Variants in LRRC47 observed in about 807,000 individuals in gnomAD.
LRRC47 encodes the protein leucine-rich repeat-containing protein 47.
LRRC47 carries 31 observed loss-of-function variants against 40.9 expected under a neutral mutation model. That is an observed-to-expected ratio of 0.76 (90% CI 0.57 to 1.02). The LOEUF (loss-of-function observed/expected upper bound fraction) is 1.02, where lower values mean the gene tolerates loss of function less well. Among genes scored for constraint, LRRC47 ranks in the 50% least tolerant of loss-of-function variants. The pLI is 0.00. For synonymous variants in LRRC47, 427 were observed against 371.9 expected, an observed-to-expected ratio of 1.15 and a Z score of -1.70; for missense variants, 726 against 796.1, an observed-to-expected ratio of 0.91 and a Z score of 1.06.
At chr1:3,791,990 G>A (rs928002843) in intron 1 of LRRC47, among the ~76,000 whole-genome samples, 32 of 152,282 alleles carry the variant, frequency 2.1e-4, no homozygotes, top group Middle Eastern at 3.4e-3. Flanking sequence ...CTGGGCTCAA[G>A]TGATCCGCCC....
chr1:3,785,044 C>T (rs762270396), intron 3 of LRRC47, 43 bp downstream of exon 3: 5 of 1,465,218 alleles, frequency 3.4e-6, no homozygotes, highest in East Asian at 2.5e-5. Context: ...CTTTCGACAC[C>T]AAGGAGACTC....
Position 3,794,685 on chromosome 1 carries a change from G to A in LRRC47, c.615+1177C>T, listed in dbSNP as rs1246509366. Among the ~76,000 whole-genome samples, 3 of 151,754 alleles carry A rather than the reference G, an allele frequency of 2.0e-5. No individual in the cohort carries two copies. In the East Asian group the frequency reaches 5.9e-4, roughly 30 times the overall value. On this transcript the variant is annotated intron_variant, in intron 1 of 6. Coordinates refer to ENST00000378251, the MANE Select transcript of LRRC47 (RefSeq NM_020710.3). ...TATATAGATATGTTACTTGTAAAATGAGTTGCAATGTCTTGAGGAATTGCT... is the reference window on the plus strand; with the variant it reads ...TATATAGATATGTTACTTGTAAAATAAGTTGCAATGTCTTGAGGAATTGCT...
chr1:3,784,882 CT>C, intron 3 of LRRC47: 1 of 318,762 alleles, frequency 3.1e-6, no homozygotes, highest in South Asian at 3.6e-5. Flanking sequence ...GTAAACTCAG[CT>C]ATTCGGGAGG....
chr1:3,778,884 T>C lies in LRRC47; in HGVS notation c.*2204A>G, dbSNP rs1369399986. The stretch of plus-strand genomic sequence containing the variant: ...CCCAAATCACCTCTCAGAGCAACTG[T>C]CTGGGGTCCCCAGCCCCAGAACTCC... On this transcript the variant is annotated 3_prime_UTR_variant, in exon 7 of 7. Coordinates refer to ENST00000378251, the MANE Select transcript of LRRC47 (RefSeq NM_020710.3). 6.6e-6 allele frequency: 1 copy of C among 152,188 alleles called. No homozygotes were observed. The highest frequency in any genetic ancestry group is 1.5e-5 in the Non-Finnish European group (1 of 68,052). 9.4% of individuals were successfully genotyped at this position (152,188 alleles called of 1,614,324 possible).
chr1:3,782,591 C>T (rs971193271), intron 5 of LRRC47, 70 bp downstream of exon 5: 37 of 955,010 alleles, frequency 3.9e-5, no homozygotes, highest in Admixed American at 8.6e-5. Context: ...CACCACGCCC[C>T]GCAGACTTGT....
In LRRC47 at chr1:3,784,008, G is replaced by A. The variant is rs757851284; in HGVS notation, c.1298C>T (p.Ser433Leu). The A allele has an allele frequency of 4.4e-6, 7 of 1,607,634 alleles. No homozygotes were observed. The highest frequency in any genetic ancestry group is 2.2e-5 in the East Asian group (1 of 44,820). ...GCACGCTGCCCACCTGTGCAGGCCC[G>A]ACACACTCTGCCGCTTCTTCTGCTT... is the stretch of plus-strand genomic sequence containing the variant. ...QRKQKKRQSV[S>L]GLHRYLHLLD... The change falls in exon 4 of 7, where the codon TCG (serine) becomes TTG (leucine). Residue 433 changes from serine (S) to leucine (L), a missense_variant. Physicochemically the swap from Ser to Leu is moderately radical, Grantham distance 145 (BLOSUM62 -2). Coordinates refer to ENST00000378251, the MANE Select transcript of LRRC47 (RefSeq NM_020710.3).
At chr1:3,788,025 T>C (rs1334556126) in intron 1 of LRRC47, among the ~76,000 whole-genome samples, 1 of 152,232 alleles carries the variant, frequency 6.6e-6, no homozygotes, top group Non-Finnish European at 1.5e-5. Flanking sequence ...GATCAGACTT[T>C]GGCAAAACGT....
rs962336768 is a variant in LRRC47, at chr1:3,785,130, T to A, written c.1151A>T (p.Lys384Ile). ...CCGGGCGCAGTACAGCAGGGGCCCT[T>A]TGACGGCACGGAGCTCGTGGGTGGC... ...TLATHELRAV[K>I]GPLLYCARPP... is the part of the protein sequence containing the mutation. The change falls in exon 3 of 7, where the codon AAA (lysine) becomes ATA (isoleucine). Residue 384 changes from lysine (K) to isoleucine (I), a missense_variant. Transcript: ENST00000378251. The A allele has an allele frequency of 5.0e-6, 8 of 1,601,278 alleles. No individual in the cohort carries two copies. The highest frequency in any genetic ancestry group is 6.0e-6 in the Non-Finnish European group (7 of 1,174,360).
chr1:3,783,292 C>T (rs1454607522), intron 4 of LRRC47, among the ~76,000 whole-genome samples: 1 of 151,490 alleles, frequency 6.6e-6, no homozygotes, highest in East Asian at 1.9e-4. Context: ...TGGTGGCAGG[C>T]GCCTGTAATC....
chr1:3,784,981 GAA>G (rs1643558287), intron 3 of LRRC47, 104 bp downstream of exon 3: 2 of 685,818 alleles, frequency 2.9e-6, no homozygotes, highest in Admixed American at 3.3e-5. Context: ...GGCAACAATG[GAA>G]CTCCATCTCC....
In LRRC47 at chr1:3,779,998, A is replaced by T. The variant is rs1643502968; in HGVS notation, c.*1090T>A. On this transcript the variant is annotated 3_prime_UTR_variant, in exon 7 of 7. Coordinates refer to ENST00000378251, the MANE Select transcript of LRRC47 (RefSeq NM_020710.3). ...AGATTATGATCACTGCCAGCTGGAG[A>T]ACCCAACGCCCTTGCACATGCCAAG... 4 of 152,266 alleles carry T rather than the reference A, an allele frequency of 2.6e-5. No individual in the cohort carries two copies. In the South Asian group the frequency reaches 8.3e-4, roughly 32 times the overall value. The allele number at this position is 152,266 out of a possible 1,614,324, so 9.4% of individuals were successfully genotyped here.
rs1459441026 is a variant in LRRC47, at chr1:3,795,950, C to T, written c.527G>A (p.Gly176Asp). ...DSFPAELFRP[G>D]ALPLLSELAA... ...CAGTTCACTGAGCAGGGGCAGCGCG[C>T]CGGGGCGAAAGAGCTCGGCGGGAAA... Residue 176 changes from glycine (G) to aspartate (D), a missense_variant, in exon 1 of 7, where the codon GGC becomes GAC. Gly to Asp is a moderately conservative substitution (Grantham distance 94). Coordinates refer to ENST00000378251, the MANE Select transcript of LRRC47 (RefSeq NM_020710.3). 1.3e-6 allele frequency: 2 copies of T among 1,598,118 alleles called. No individual in the cohort carries two copies. Among genetic ancestry groups the T allele is most frequent in the Admixed American group, 3.4e-5 (2 of 58,168 alleles).
At chr1:3,784,374 G>C (rs796687515) in intron 3 of LRRC47, among the ~76,000 whole-genome samples, 8 of 152,328 alleles carry the variant, frequency 5.3e-5, no homozygotes, top group African/African-American at 1.9e-4. Context: ...ATGCACAACT[G>C]TTTCCAGAGG....
At position 3,783,870 on chromosome 1, in the gene LRRC47, CCT is replaced by C. The variant is rs1347543752; in HGVS notation, c.1310+124_1310+125del. The C allele has an allele frequency of 2.4e-5, 17 of 707,850 alleles. 1 individual carries two copies. The South Asian group carries it at 2.8e-4, about 12-fold the overall frequency. The allele number at this position is 707,850 out of a possible 1,614,324, so 43.8% of individuals were successfully genotyped here. On this transcript the variant is annotated intron_variant, in intron 4 of 6. Coordinates refer to ENST00000378251, the MANE Select transcript of LRRC47 (RefSeq NM_020710.3). ...TGGAAAGAGAATGCTTTCTTTGTAC[CCT>C]GTTAAGAAGCTTCTGGGTTCTGGTA... is the stretch of plus-strand genomic sequence containing the variant.
intron 1 of LRRC47, among the ~76,000 whole-genome samples, chr1:3,791,940 G>T (rs1643630671): frequency 6.6e-6 from 1 of 151,560 alleles, no homozygotes; most frequent in Non-Finnish European, 1.5e-5. Context: ...TTTTTATAGA[G>T]ACAGGTTTTC....
In LRRC47 at chr1:3,780,150, C is replaced by T. The variant is rs370170310; in HGVS notation, c.*938G>A. 2 of 152,190 alleles carry T rather than the reference C, an allele frequency of 1.3e-5. No individual in the cohort carries two copies. Among genetic ancestry groups the T allele is most frequent in the Admixed American group, 1.3e-4 (2 of 15,280 alleles). 9.4% of individuals were successfully genotyped at this position (152,190 alleles called of 1,614,324 possible). A position where few individuals can be genotyped will look rare whatever the true frequency, so the allele number is the denominator to read the frequency against. On this transcript the variant is annotated 3_prime_UTR_variant, in exon 7 of 7. Transcript: ENST00000378251. ...CTCCGAACCAGTGACAGTCACGTGT[C>T]GCTCAGTGACACATGAGAAACGTGT...
intron 1 of LRRC47, among the ~76,000 whole-genome samples, chr1:3,794,901 A>G (rs971355906): frequency 6.6e-6 from 1 of 151,630 alleles, no homozygotes; most frequent in African/African-American, 2.4e-5. Context: ...TAAAAACACA[A>G]AAGTTAGCCG....
intron 1 of LRRC47, 28 bp downstream of exon 1, chr1:3,795,834 C>G: frequency 2.6e-6 from 4 of 1,537,510 alleles, no homozygotes; most frequent in Non-Finnish European, 3.5e-6. Flanking sequence ...AGGCCCCATC[C>G]CGCCCCGCCC....
rs1448024632 is a variant in LRRC47, at chr1:3,780,216, C to T, written c.*872G>A. The T allele has an allele frequency of 6.6e-6, 1 of 152,096 alleles. No homozygotes were observed. The highest frequency in any genetic ancestry group is 1.5e-5 in the Non-Finnish European group (1 of 68,032). The allele number at this position is 152,096 out of a possible 1,614,324, so 9.4% of individuals were successfully genotyped here. ...TGTGATCACAGAGTCTTTACACAAG[C>T]CTCGATGGTGCATGTAGTTTTATTT... On this transcript the variant is annotated 3_prime_UTR_variant, in exon 7 of 7. Coordinates refer to ENST00000378251, the MANE Select transcript of LRRC47 (RefSeq NM_020710.3).
Sources: allele counts gnomAD v4.1 joint callset (sites outside exome capture counted in the v4.1 genomes callset), GRCh38; gene constraint gnomAD v4.1.1; transcripts MANE v1.5; gene names NCBI Gene and HGNC (gene_info 2026-07-23, HGNC 2026-07-21).